Variants in DOCK6 observed in about 807,000 individuals in gnomAD.
The protein encoded by DOCK6 is dedicator of cytokinesis protein 6.
DOCK6 carries 167 observed loss-of-function variants against 230.3 expected under a neutral mutation model. The observed-to-expected ratio is 0.73, with a 90% CI of 0.64 to 0.82. The LOEUF (loss-of-function observed/expected upper bound fraction) is 0.82. DOCK6 is among the 40% of genes least tolerant of loss of function. DOCK6 has a pLI of 0.00. For synonymous variants in DOCK6, 1,148 were observed against 1,185.0 expected (o/e 0.97, Z 0.64); for missense variants, 2,598 against 2,825.8 (o/e 0.92, Z 1.83).
rs184716651 is a variant in DOCK6, at chr19:11,223,232, C to T, written c.2956-126G>A. The T allele has an allele frequency of 4.3e-4, 359 of 839,928 alleles. 5 individuals carry two copies. The Middle Eastern group carries it at 9.5e-3, about 22-fold the overall frequency. 52.0% of individuals were successfully genotyped at this position (839,928 alleles called of 1,614,324 possible). A position where few individuals can be genotyped will look rare whatever the true frequency, so the allele number is the denominator to read the frequency against. On this transcript the variant is annotated intron_variant, in intron 24 of 47. Transcript: ENST00000294618. ...CTGCCCCAAAGCCTTTGTCTGTGGG[C>T]TGTGGTGACTCTGGGACTTCCTGGT...
chr19:11,200,834 G>C lies in DOCK6; in HGVS notation c.5833-12C>G. 1 of 1,612,872 alleles carries C rather than the reference G, an allele frequency of 6.2e-7. No individual in the cohort carries two copies. Among genetic ancestry groups the C allele is most frequent in the Admixed American group, 1.7e-5 (1 of 60,006 alleles). On this transcript the variant is annotated splice_polypyrimidine_tract_variant and intron_variant, in intron 45 of 47. Coordinates refer to ENST00000294618, the MANE Select transcript of DOCK6 (RefSeq NM_020812.4). The surrounding 1 kb of genome is among the most constrained non-coding windows in gnomAD (Gnocchi z 4.3). Reference sequence around the variant, plus strand: ...ACCTCCAGGGGACCCTGTGGGGTGAGAGGGACTGGTGAGCCAGCCTGCATG... The same window carrying C: ...ACCTCCAGGGGACCCTGTGGGGTGACAGGGACTGGTGAGCCAGCCTGCATG...
chr19:11,239,697 A>G (rs774416873), intron 14 of DOCK6: 5 of 1,613,690 alleles, frequency 3.1e-6, no homozygotes, highest in East Asian at 2.2e-5. Context: ...GGCCTGCCTC[A>G]GCGGCCCCCA....
chr19:11,204,402 T>C, intron 39 of DOCK6, 71 bp from the exon 40 acceptor site: 1 of 1,568,650 alleles, frequency 6.4e-7, no homozygotes. Flanking sequence ...TCTACCCATC[T>C]CCCTTGTGAG....
chr19:11,207,559 G>C (rs114277401), intron 39 of DOCK6, among the ~76,000 whole-genome samples: 8,234 of 151,894 alleles, frequency 0.054, 484 homozygotes, highest in East Asian at 0.18. Flanking sequence ...TGGGAGGCTT[G>C]GGTGGGAGGA....
rs1367126504 is a variant in DOCK6, at chr19:11,204,081, C to T, written c.5235G>A (p.Glu1745=). 1.3e-6 allele frequency: 2 copies of T among 1,539,112 alleles called. No individual in the cohort carries two copies. The highest frequency in any genetic ancestry group is 4.0e-5 in the Admixed American group (2 of 50,584). The change falls in exon 41 of 48, where the codon GAG becomes GAA. Residue 1745 remains glutamate, a splice_region_variant and synonymous_variant. Coordinates refer to ENST00000294618, the MANE Select transcript of DOCK6 (RefSeq NM_020812.4). ...TGGCTGTCCACCAAGGCTGACTCACCTCCCAGCCGGAACTCTGTGGGGAAG... is the reference window on the plus strand; with the variant it reads ...TGGCTGTCCACCAAGGCTGACTCACTTCCCAGCCGGAACTCTGTGGGGAAG... ...TKIMHQSSGW[E]RVFGTYFRVG... is the part of the protein sequence containing the mutation.
At chr19:11,208,530 C>A in intron 39 of DOCK6, 156 bp downstream of exon 39, 1 of 1,073,722 alleles carries the variant, frequency 9.3e-7, no homozygotes, top group Non-Finnish European at 1.3e-6. Flanking sequence ...CTGCCTGCCT[C>A]CGCCTCCCAA....
Position 11,202,608 on chromosome 19 carries a change from C to A in DOCK6, c.5337G>T (p.Leu1779=). Residue 1779 remains leucine (L), a synonymous_variant, in exon 42 of 48, where the codon CTG becomes CTT. Coordinates refer to ENST00000294618, the MANE Select transcript of DOCK6 (RefSeq NM_020812.4). This position sits in a 1 kb window ranked among gnomAD's most constrained non-coding sequence, Gnocchi z 5.3. ...FVYKEPSITK[L]AEISHRLEEF... is the part of the protein sequence containing the mutation. The stretch of plus-strand genomic sequence containing the variant: ...CCTCCAGCCGGTGTGAGATCTCTGC[C>A]AGCTTCGTGATCGATGGCTCCTTGT... The A allele has an allele frequency of 4.3e-6, 7 of 1,614,034 alleles. No homozygotes were observed. The highest frequency in any genetic ancestry group is 5.9e-6 in the Non-Finnish European group (7 of 1,179,908).
In DOCK6 at chr19:11,239,490, G is replaced by A. The variant is rs553754509; in HGVS notation, c.1644-1186C>T. The A allele has an allele frequency of 1.0e-4, 104 of 1,008,240 alleles. 1 individual carries two copies. The highest frequency in any genetic ancestry group is 9.8e-4 in the South Asian group (62 of 62,950). The allele number at this position is 1,008,240 out of a possible 1,614,324, so 62.5% of individuals were successfully genotyped here. A position where few individuals can be genotyped will look rare whatever the true frequency, so the allele number is the denominator to read the frequency against. Reference sequence around the variant, plus strand: ...CCCGGCGTGGCCTAGCCGGACATTCGCCTGATGCAACTATCGCACCACTGC... The same window carrying A: ...CCCGGCGTGGCCTAGCCGGACATTCACCTGATGCAACTATCGCACCACTGC... On this transcript the variant is annotated intron_variant, in intron 14 of 47. Coordinates refer to ENST00000294618, the MANE Select transcript of DOCK6 (RefSeq NM_020812.4).
At chr19:11,242,260 C>T in intron 13 of DOCK6, 53 bp from the exon 14 acceptor site, 2 of 1,391,724 alleles carry the variant, frequency 1.4e-6, no homozygotes, top group Non-Finnish European at 1.9e-6. Flanking sequence ...TGGCTCAGCC[C>T]ACCCTTTCTG....
rs970439851 is a variant in DOCK6 at position 11,238,134 on chromosome 19, G to T, written c.1762-19C>A. The T allele has an allele frequency of 4.3e-6, 7 of 1,613,856 alleles. No homozygotes were observed. The African/African-American group carries it at 9.3e-5, about 22-fold the overall frequency. ...AGATGACCTGGGAGAGTGGATTCAT[G>T]AGGGACCCATGGGGGATGCCCTACC... On this transcript the variant is annotated intron_variant, in intron 15 of 47. Transcript: ENST00000294618.
chr19:11,252,764 G>A lies in DOCK6; in HGVS notation c.308+19C>T, dbSNP rs761137005. 3 of 1,601,272 alleles carry A rather than the reference G, an allele frequency of 1.9e-6. No individual in the cohort carries two copies. Among genetic ancestry groups the A allele is most frequent in the Admixed American group, 1.7e-5 (1 of 59,560 alleles). On this transcript the variant is annotated intron_variant, in intron 3 of 47. Transcript: ENST00000294618. Reference sequence around the variant, plus strand: ...ACAGAGTGGAATCACAGGCAGAGAGGGCGTGGGGCTGAACCCACTCATCCT... The same window carrying A: ...ACAGAGTGGAATCACAGGCAGAGAGAGCGTGGGGCTGAACCCACTCATCCT...
rs563861076 is a variant in DOCK6 at position 11,229,645 on chromosome 19, C to T, written c.2719-610G>A. On this transcript the variant is annotated intron_variant, in intron 22 of 47. Transcript: ENST00000294618. ...ATGGCCAGGGTGCTGTGGGAGTAGA[C>T]GGGGCAGTGGAGGCAGGGACAAATA... 4.0e-4 allele frequency among the ~76,000 whole-genome samples: 60 copies of T among 151,818 alleles called. 1 individual carries two copies. The highest frequency in any genetic ancestry group is 1.0e-3 in the South Asian group (5 of 4,808).
At chr19:11,233,096 CGTT>C (rs892214041) in intron 22 of DOCK6, 104 bp downstream of exon 22, 3 of 1,427,566 alleles carry the variant, frequency 2.1e-6, no homozygotes, top group African/African-American at 2.8e-5. Flanking sequence ...CCTTCATTCA[CGTT>C]GTCGTCTCTG....
chr19:11,227,150 A>G (rs1306140670), intron 24 of DOCK6, among the ~76,000 whole-genome samples, 187 bp downstream of exon 24: 1 of 152,206 alleles, frequency 6.6e-6, no homozygotes, highest in African/African-American at 2.4e-5. Flanking sequence ...TTATATTGCT[A>G]CACCCAGCAC....
Position 11,220,900 on chromosome 19 carries a change from C to T in DOCK6, c.3550+951G>A, listed in dbSNP as rs1458573616. 2.7e-5 allele frequency among the ~76,000 whole-genome samples: 4 copies of T among 150,938 alleles called. 1 individual carries two copies. The highest frequency in any genetic ancestry group is 9.8e-5 in the African/African-American group (4 of 40,906). On this transcript the variant is annotated intron_variant, in intron 28 of 47. Coordinates refer to ENST00000294618, the MANE Select transcript of DOCK6 (RefSeq NM_020812.4). ...AGTGCAGTGGTGCGATCTCAGCTCACTGCAAGCTCCGCCTCCCGTGTTCAT... is the reference window on the plus strand; with the variant it reads ...AGTGCAGTGGTGCGATCTCAGCTCATTGCAAGCTCCGCCTCCCGTGTTCAT...
chr19:11,211,884 CG>C lies in DOCK6; in HGVS notation c.4651-9del. ...GAACATCAGGTCCTGGACCTGGAGC[CG>C]GGGAACGTCCAGGGGCCAATGAGAG... is the stretch of plus-strand genomic sequence containing the variant. On this transcript the variant is annotated splice_polypyrimidine_tract_variant and intron_variant, in intron 36 of 47. Transcript: ENST00000294618. 1 of 1,477,576 alleles carries C rather than the reference CG, an allele frequency of 6.8e-7. No individual in the cohort carries two copies. Among genetic ancestry groups the C allele is most frequent in the Non-Finnish European group, 9.1e-7 (1 of 1,101,136 alleles). The allele number at this position is 1,477,576 out of a possible 1,614,324, so 91.5% of individuals were successfully genotyped here.
At position 11,208,817 on chromosome 19, in the gene DOCK6, T is replaced by C. The variant is rs1228651676; in HGVS notation, c.4957A>G (p.Asn1653Asp). 1 of 1,613,090 alleles carries C rather than the reference T, an allele frequency of 6.2e-7. No homozygotes were observed. ...GCVSFQNISS[N>D]VLEESAISDD... Reference sequence around the variant, plus strand: ...GAGATGGCGGACTCCTCTAGCACGTTGGATGAGATGTTCTGGGGTGGGAGA... The same window carrying C: ...GAGATGGCGGACTCCTCTAGCACGTCGGATGAGATGTTCTGGGGTGGGAGA... Residue 1653 changes from asparagine to aspartate, a missense_variant, in exon 39 of 48, where the codon AAC becomes GAC. Physicochemically the swap from Asn to Asp is conservative, Grantham distance 23 (BLOSUM62 1). Transcript: ENST00000294618.
In DOCK6 at chr19:11,201,128, A is replaced by T; in HGVS notation, c.5689-76T>A. 1.3e-6 allele frequency: 2 copies of T among 1,558,554 alleles called. No individual in the cohort carries two copies. Among genetic ancestry groups the T allele is most frequent in the Non-Finnish European group, 1.7e-6 (2 of 1,150,332 alleles). ...GATCGAAGCCAGTCGGGGGCAGCTC[A>T]GACCCCGCTGGGAGTGAGAGGGGTC... is the stretch of plus-strand genomic sequence containing the variant. On this transcript the variant is annotated intron_variant, in intron 44 of 47. Transcript: ENST00000294618. This position sits in a 1 kb window ranked among gnomAD's most constrained non-coding sequence, Gnocchi z 4.3.
rs191166013 is a variant in DOCK6, at chr19:11,244,382, A to G, written c.1024-500T>C. On this transcript the variant is annotated intron_variant, in intron 9 of 47. Coordinates refer to ENST00000294618, the MANE Select transcript of DOCK6 (RefSeq NM_020812.4). ...AGCTCACTGCAACCTCTGCCTCCTGAGTTTAAGCAATTCTCCTGCCTCAGC... is the reference window on the plus strand; with the variant it reads ...AGCTCACTGCAACCTCTGCCTCCTGGGTTTAAGCAATTCTCCTGCCTCAGC... 4.1e-3 allele frequency among the ~76,000 whole-genome samples: 549 copies of G among 132,466 alleles called. 1 individual carries two copies. Among genetic ancestry groups the G allele is most frequent in the African/African-American group, 0.015 (521 of 35,212 alleles). 86.9% of individuals were successfully genotyped at this position (132,466 alleles called of 152,430 possible). A position where few individuals can be genotyped will look rare whatever the true frequency, so the allele number is the denominator to read the frequency against.
Sources: gnomAD v4.1 joint callset for allele counts (sites outside exome capture counted in the v4.1 genomes callset) on GRCh38, gnomAD v4.1.1 for gene constraint, Gnocchi (gnomAD v3.1) non-coding constraint, MANE v1.5 for transcripts, NCBI Gene and HGNC (gene_info 2026-07-23, HGNC 2026-07-21) for gene names.